Variants in SLC2A12 observed in about 807,000 individuals in gnomAD.
The protein encoded by SLC2A12 is solute carrier family 2 member 12, also known as solute carrier family 2, facilitated glucose transporter member 12.
Under a neutral mutation model 41.8 loss-of-function variants are expected in SLC2A12, and 23 were observed. The ratio of observed to expected loss-of-function variants is 0.55; its 90% CI spans 0.40 to 0.78. SLC2A12 has a LOEUF of 0.78. Ranked by LOEUF, SLC2A12 falls within the 30% of genes least tolerant of loss-of-function variation. The pLI is 0.00. For missense variants in SLC2A12, 654 were observed against 745.6 expected, an observed-to-expected ratio of 0.88 and a Z score of 1.43; for synonymous variants, 295 against 285.9, an observed-to-expected ratio of 1.03 and a Z score of -0.32.
chr6:134,028,545 T>A lies in SLC2A12; in HGVS notation c.1280A>T (p.Asp427Val). ...SSLMPLRNDV[D>V]KRGETTSASL... ...TGCTGAGGTCGTCTCCCCTCTCTTA[T>A]CCACATCATTTCTCAGGGGCATGAG... Residue 427 changes from aspartate (D) to valine (V), a missense_variant, in exon 2 of 5, where the codon GAT becomes GTT. Coordinates refer to ENST00000275230, the MANE Select transcript of SLC2A12 (RefSeq NM_145176.3). 3.1e-6 allele frequency: 5 copies of A among 1,614,172 alleles called. No individual in the cohort carries two copies. Among genetic ancestry groups the A allele is most frequent in the Non-Finnish European group, 3.4e-6 (4 of 1,180,018 alleles).
At chr6:134,004,558 T>C (rs1776788051) in intron 3 of SLC2A12, among the ~76,000 whole-genome samples, 1 of 152,140 alleles carries the variant, frequency 6.6e-6, no homozygotes, top group South Asian at 2.1e-4. Flanking sequence ...ATGAAGAAAT[T>C]AGGTTATTTG....
In SLC2A12 at chr6:133,988,634, T is replaced by A. The variant is rs770081183; in HGVS notation, c.*2521A>T. 2.0e-5 allele frequency: 3 copies of A among 151,798 alleles called. No individual in the cohort carries two copies. Among genetic ancestry groups the A allele is most frequent in the South Asian group, 2.1e-4 (1 of 4,828 alleles). The allele number at this position is 151,798 out of a possible 1,614,324, so 9.4% of individuals were successfully genotyped here. On this transcript the variant is annotated 3_prime_UTR_variant, in exon 5 of 5. Transcript: ENST00000275230. ...TTTCTTCTCAATGCCTTCCCTAACC[T>A]CCTGCTTATTCCAAAGTGGAAAGCA...
Position 134,028,495 on chromosome 6 carries a change from G to T in SLC2A12, c.1330C>A (p.His444Asn). The change falls in exon 2 of 5, where the codon CAC (histidine) becomes AAC (asparagine). Residue 444 changes from histidine to asparagine, a missense_variant. Physicochemically the swap from His to Asn is moderately conservative, Grantham distance 68. Transcript: ENST00000275230. ...TCTGTGACTATCTGGTATTCAGTGTGGCTTAATCCAGCATTTAGCAAGGAT... is the reference window on the plus strand; with the variant it reads ...TCTGTGACTATCTGGTATTCAGTGTTGCTTAATCCAGCATTTAGCAAGGAT... The part of the protein sequence containing the change: ...SASLLNAGLS[H>N]TEYQIVTDPG... The T allele has an allele frequency of 6.2e-7, 1 of 1,614,194 alleles. No individual in the cohort carries two copies. The highest frequency in any genetic ancestry group is 8.5e-7 in the Non-Finnish European group (1 of 1,180,028).
At chr6:134,013,317 T>C (rs1582605294) in intron 2 of SLC2A12, among the ~76,000 whole-genome samples, 2 of 152,146 alleles carry the variant, frequency 1.3e-5, no homozygotes, top group East Asian at 3.9e-4. Context: ...AATAATAATG[T>C]TTTAAAATAT....
At chr6:134,032,460 A>ATT (rs1777229796) in intron 1 of SLC2A12, among the ~76,000 whole-genome samples, 2 of 36,000 alleles carry the variant, frequency 5.6e-5, no homozygotes, top group African/African-American at 2.5e-4. Flanking sequence ...ATATATATAT[A>ATT]TATATTTTTA....
At chr6:134,040,757 A>G (rs578016256) in intron 1 of SLC2A12, among the ~76,000 whole-genome samples, 2 of 152,344 alleles carry the variant, frequency 1.3e-5, no homozygotes, top group East Asian at 3.9e-4. Flanking sequence ...GACTTACTTA[A>G]TATCTCATTG....
intron 3 of SLC2A12, 44 bp downstream of exon 3, chr6:134,006,768 C>T: frequency 6.2e-7 from 1 of 1,610,016 alleles, no homozygotes; most frequent in Non-Finnish European, 8.5e-7. Context: ...TAACATTTGT[C>T]CTACGAGGAC....
chr6:134,018,236 A>G (rs2114454708), intron 2 of SLC2A12, among the ~76,000 whole-genome samples: 1 of 152,286 alleles, frequency 6.6e-6, no homozygotes, highest in East Asian at 1.9e-4. Context: ...AACACTAATG[A>G]CTAAGTGTAC....
intron 2 of SLC2A12, among the ~76,000 whole-genome samples, chr6:134,007,976 T>TTAATTAA (rs1776835274): frequency 6.6e-6 from 1 of 152,246 alleles, no homozygotes; most frequent in African/African-American, 2.4e-5. Flanking sequence ...TAAATATTTA[T>TTAATTAA]TAATTAATAA....
intron 4 of SLC2A12, among the ~76,000 whole-genome samples, chr6:134,000,250 G>C (rs1776739489): frequency 6.6e-6 from 1 of 152,030 alleles, no homozygotes; most frequent in South Asian, 2.1e-4. Flanking sequence ...TAAACTGGGA[G>C]AATTTTTTTC....
chr6:134,052,304 A>G, intron 1 of SLC2A12, 74 bp downstream of exon 1: 2 of 783,538 alleles, frequency 2.6e-6, no homozygotes, highest in Non-Finnish European at 4.0e-6. Context: ...CACGGGACTC[A>G]AGAGACAGTA....
At chr6:134,044,713 TAAA>T (rs35658583) in intron 1 of SLC2A12, among the ~76,000 whole-genome samples, 5 of 100,502 alleles carry the variant, frequency 5.0e-5, no homozygotes, top group African/African-American at 7.4e-5. Context: ...AAACTCCGTC[TAAA>T]AAAAAAAAAA....
chr6:134,040,412 C>A (rs1777367096), intron 1 of SLC2A12, among the ~76,000 whole-genome samples: 1 of 152,142 alleles, frequency 6.6e-6, no homozygotes, highest in Non-Finnish European at 1.5e-5. Flanking sequence ...CAAGAACAGC[C>A]TAACACAGAC....
intron 1 of SLC2A12, among the ~76,000 whole-genome samples, chr6:134,030,881 A>C (rs961746133): frequency 6.6e-6 from 1 of 152,218 alleles, no homozygotes; most frequent in African/African-American, 2.4e-5. Flanking sequence ...AGAGGTGTAG[A>C]GGGCATTGAC....
chr6:134,020,318 C>T (rs1777024434), intron 2 of SLC2A12, among the ~76,000 whole-genome samples: 1 of 152,192 alleles, frequency 6.6e-6, no homozygotes, highest in Admixed American at 6.5e-5. Flanking sequence ...ACTTTTCCTT[C>T]ATACCTCTAT....
chr6:134,021,462 A>G (rs1777039286), intron 2 of SLC2A12, among the ~76,000 whole-genome samples: 2 of 152,198 alleles, frequency 1.3e-5, no homozygotes, highest in South Asian at 4.1e-4. Flanking sequence ...AAATAAACAT[A>G]CAGAAGTAAT....
At chr6:134,049,837 G>A (rs1160679025) in intron 1 of SLC2A12, among the ~76,000 whole-genome samples, 1 of 152,200 alleles carries the variant, frequency 6.6e-6, no homozygotes, top group Non-Finnish European at 1.5e-5. Flanking sequence ...GCAGACCTTA[G>A]GGGGTTGGTT....
rs370413756 is a variant in SLC2A12, at chr6:134,007,093, G to A, written c.1445-159C>T. Among the ~76,000 whole-genome samples the A allele has an allele frequency of 3.3e-5, 5 of 152,340 alleles. No individual in the cohort carries two copies. The South Asian group carries it at 1.0e-3, about 32-fold the overall frequency. ...CAGCAGAACAGGACAGTAAAGGGAC[G>A]TGCTGCCTCCTCACCTCCAGCCAAG... On this transcript the variant is annotated intron_variant, in intron 2 of 4. Coordinates refer to ENST00000275230, the MANE Select transcript of SLC2A12 (RefSeq NM_145176.3).
In SLC2A12 at chr6:134,037,990, G is replaced by T. The variant is rs888519154; in HGVS notation, c.104-8269C>A. On this transcript the variant is annotated intron_variant, in intron 1 of 4. Coordinates refer to ENST00000275230, the MANE Select transcript of SLC2A12 (RefSeq NM_145176.3). ...TGTATTGACAAATACTGGGTACAAG[G>T]CTTATCTAGCCACTATCTCCCACCC... 3.9e-5 allele frequency among the ~76,000 whole-genome samples: 6 copies of T among 152,222 alleles called. No homozygotes were observed. In the East Asian group the frequency reaches 1.2e-3, roughly 29 times the overall value.
Sources: gnomAD v4.1 joint callset for allele counts (sites outside exome capture counted in the v4.1 genomes callset) on GRCh38, gnomAD v4.1.1 for gene constraint, MANE v1.5 for transcripts, NCBI Gene and HGNC (gene_info 2026-07-23, HGNC 2026-07-21) for gene names.